The following SORBS2 variants were observed in gnomAD, a reference collection of about 807,000 sequenced individuals.
SORBS2 encodes sorbin and SH3 domain containing 2, also known as sorbin and SH3 domain-containing protein 2.
In SORBS2, 46 loss-of-function variants were observed where a neutral mutation model predicts 97.7. The observed-to-expected ratio is 0.47, with a 90% CI of 0.37 to 0.60. The LOEUF (loss-of-function observed/expected upper bound fraction) is 0.60. Among genes scored for constraint, SORBS2 ranks in the 20% least tolerant of loss-of-function variants. SORBS2 has a pLI of 0.00. For synonymous variants in SORBS2, 476 were observed against 473.4 expected (o/e 1.01, Z -0.07); for missense variants, 1,316 against 1,282.3 (o/e 1.03, Z -0.40).
chr4:185,627,916 GT>G (rs2096844224), intron 5 of SORBS2, among the ~76,000 whole-genome samples: 1 of 152,114 alleles, frequency 6.6e-6, no homozygotes. Context: ...ACCATGCCCA[GT>G]TGATATCATG....
chr4:185,658,703 T>A (rs1582023149), upstream of SORBS2, among the ~76,000 whole-genome samples: 1 of 149,654 alleles, frequency 6.7e-6, no homozygotes, highest in African/African-American at 2.5e-5. Context: ...TTTTTTTTTT[T>A]TTTTTTGAGA....
intron 5 of SORBS2, among the ~76,000 whole-genome samples, chr4:185,629,657 G>C (rs1367198326): frequency 6.7e-6 from 1 of 149,976 alleles, no homozygotes; most frequent in Non-Finnish European, 1.5e-5. Flanking sequence ...CACCCTCCCA[G>C]GCTCAAGCGA....
At chr4:185,865,261 A>T (rs1377267570) in intron 1 of SORBS2, among the ~76,000 whole-genome samples, 1 of 152,186 alleles carries the variant, frequency 6.6e-6, no homozygotes, top group African/African-American at 2.4e-5. Context: ...GTGCGGTGAC[A>T]ACAGCGCACC....
intron 2 of SORBS2, among the ~76,000 whole-genome samples, chr4:185,738,852 C>A (rs866812400): frequency 6.6e-6 from 1 of 152,188 alleles, no homozygotes; most frequent in Non-Finnish European, 1.5e-5. Flanking sequence ...TCTCCACATA[C>A]TGTTTCCTTT....
chr4:185,716,776 C>A (rs1478324029), intron 2 of SORBS2, among the ~76,000 whole-genome samples: 10 of 152,156 alleles, frequency 6.6e-5, no homozygotes, highest in African/African-American at 2.4e-4. Context: ...TTCTGCCTGA[C>A]TGGTCTCACC....
chr4:185,812,727 A>G (rs2099188935), intron 1 of SORBS2, among the ~76,000 whole-genome samples: 1 of 152,232 alleles, frequency 6.6e-6, no homozygotes, highest in East Asian at 1.9e-4. Context: ...TAACTAAATC[A>G]GGTAGACTAT....
chr4:185,921,049 G>A (rs1024062999), intron 1 of SORBS2, among the ~76,000 whole-genome samples: 1 of 152,214 alleles, frequency 6.6e-6, no homozygotes, highest in South Asian at 2.1e-4. Flanking sequence ...GGGGAATGCT[G>A]ATACTTTCCT....
chr4:185,744,335 C>T (rs904325716), intron 2 of SORBS2, among the ~76,000 whole-genome samples: 3 of 152,060 alleles, frequency 2.0e-5, no homozygotes, highest in Admixed American at 1.3e-4. Context: ...CAGGCTTTTC[C>T]AGGGTCCCCA....
intron 1 of SORBS2, among the ~76,000 whole-genome samples, chr4:185,866,271 A>G (rs1255310453): frequency 1.3e-5 from 2 of 151,444 alleles, no homozygotes; most frequent in East Asian, 3.8e-4. Context: ...AACCAAGCGC[A>G]GTGTTTACCA....
intron 12 of SORBS2, among the ~76,000 whole-genome samples, chr4:185,597,577 A>T (rs558147916): frequency 1.3e-5 from 2 of 152,352 alleles, no homozygotes; most frequent in South Asian, 2.1e-4. Context: ...TATTGCATGA[A>T]AGATTACTAT....
chr4:185,891,132 T>G (rs2099242310), intron 1 of SORBS2, among the ~76,000 whole-genome samples: 1 of 114,228 alleles, frequency 8.8e-6, no homozygotes, highest in Non-Finnish European at 2.0e-5. Flanking sequence ...TATTCTTTGT[T>G]TTTTAATTCT....
chr4:185,663,524 TGCTCCCTGGAGAGAGCTGGAC>T (rs1271380428), intron 4 of SORBS2, among the ~76,000 whole-genome samples: 45 of 152,316 alleles, frequency 3.0e-4, no homozygotes, highest in African/African-American at 1.0e-3. Flanking sequence ...CTTGAGGACC[TGCTCCCTGGAGAGAGCTGGAC>T]GTTCAAATAA....
chr4:185,714,522 C>T (rs2098449020), intron 2 of SORBS2, among the ~76,000 whole-genome samples: 1 of 152,002 alleles, frequency 6.6e-6, no homozygotes, highest in African/African-American at 2.4e-5. Context: ...TGTTTCACAA[C>T]AGCAATTAGG....
At chr4:185,600,569 C>T (rs990013347) in intron 12 of SORBS2, among the ~76,000 whole-genome samples, 9 of 152,138 alleles carry the variant, frequency 5.9e-5, no homozygotes, top group Non-Finnish European at 1.2e-4. Context: ...GAACTCCTGA[C>T]CTCAAGTGAT....
chr4:185,605,501 T>C (rs1220479179), intron 12 of SORBS2, among the ~76,000 whole-genome samples: 1 of 151,624 alleles, frequency 6.6e-6, no homozygotes, highest in Non-Finnish European at 1.5e-5. Context: ...ACAGGTTGGT[T>C]TCGAACTCCT....
At chr4:185,659,477 C>T (rs559361426), upstream of SORBS2, among the ~76,000 whole-genome samples, 24 of 151,930 alleles carry the variant, frequency 1.6e-4, no homozygotes, top group African/African-American at 4.1e-4. Context: ...AGTGCAGTGG[C>T]GCGATCTCGG....
chr4:185,814,933 A>G (rs933736999), intron 1 of SORBS2, among the ~76,000 whole-genome samples: 1 of 152,208 alleles, frequency 6.6e-6, no homozygotes, highest in Admixed American at 6.5e-5. Flanking sequence ...CAGGTCCCTG[A>G]CGTTTATTCT....
chr4:185,638,944 G>A (rs1186049083), intron 4 of SORBS2: 2 of 1,519,950 alleles, frequency 1.3e-6, no homozygotes, highest in Middle Eastern at 1.7e-4. Context: ...CGGAGGGGAG[G>A]GGCTACCAGT....
At chr4:185,905,048 G>A (rs1300186202) in intron 1 of SORBS2, among the ~76,000 whole-genome samples, 7 of 151,870 alleles carry the variant, frequency 4.6e-5, no homozygotes, top group Non-Finnish European at 7.4e-5. Flanking sequence ...AGGTTGCAGT[G>A]AGCCAAGATT....
Sources: gnomAD v4.1 joint callset for allele counts (sites outside exome capture counted in the v4.1 genomes callset) on GRCh38, gnomAD v4.1.1 for gene constraint, MANE v1.5 for transcripts, NCBI Gene and HGNC (gene_info 2026-07-23, HGNC 2026-07-21) for gene names.